WASF3: variants seen among roughly 807,000 people sequenced by gnomAD.
WASF3 encodes WASP family member 3.
Under a neutral mutation model 46.6 loss-of-function variants are expected in WASF3, and 11 were observed. The observed-to-expected ratio is 0.24, with a 90% CI of 0.15 to 0.39. WASF3 has a LOEUF of 0.39. Among genes scored for constraint, WASF3 ranks in the 10% least tolerant of loss-of-function variants. The pLI, the probability that WASF3 is intolerant of heterozygous loss-of-function variation, is 1.00. For missense variants in WASF3, 576 were observed against 669.8 expected, an observed-to-expected ratio of 0.86 and a Z score of 1.55; for synonymous variants, 242 against 259.7, an observed-to-expected ratio of 0.93 and a Z score of 0.65.
chr13:26,685,284 C>G (rs1365195427), intron 9 of WASF3, among the ~76,000 whole-genome samples: 1 of 152,062 alleles, frequency 6.6e-6, no homozygotes, highest in Non-Finnish European at 1.5e-5. Context: ...CTGTTGCTGC[C>G]TAGTAGATGT....
chr13:26,606,788 C>G (rs1880813168), intron 1 of WASF3: 1 of 152,154 alleles, frequency 6.6e-6, no homozygotes, highest in Non-Finnish European at 1.5e-5. Flanking sequence ...TTGTTTACTG[C>G]AGCTGGAACC....
intron 1 of WASF3, among the ~76,000 whole-genome samples, chr13:26,561,102 A>G (rs1053544709): frequency 6.6e-6 from 1 of 152,132 alleles, no homozygotes; most frequent in Non-Finnish European, 1.5e-5. Flanking sequence ...GGAAGTGGCA[A>G]GAAGTGAGGG....
intron 3 of WASF3, among the ~76,000 whole-genome samples, chr13:26,655,050 C>T (rs1882427263): frequency 6.6e-6 from 1 of 152,148 alleles, no homozygotes; most frequent in Non-Finnish European, 1.5e-5. Flanking sequence ...TTTCCATAAA[C>T]TTTCACCCAG....
chr13:26,622,628 A>G (rs1425131052), intron 2 of WASF3: 9 of 152,212 alleles, frequency 5.9e-5, no homozygotes, highest in Admixed American at 3.9e-4. Flanking sequence ...CAGTTTACTT[A>G]GCTGGACGTG....
At chr13:26,563,654 CAAAAAAAAA>C (rs34374716) in intron 1 of WASF3, among the ~76,000 whole-genome samples, 1 of 47,030 alleles carries the variant, frequency 2.1e-5, no homozygotes, top group East Asian at 7.3e-4. Context: ...GACTCCATCT[CAAAAAAAAA>C]AAAAAAAAAA....
intron 1 of WASF3, among the ~76,000 whole-genome samples, chr13:26,575,125 C>T (rs1470878994): frequency 1.3e-5 from 2 of 152,096 alleles, no homozygotes; most frequent in Non-Finnish European, 2.9e-5. Context: ...CGTGAGCCAC[C>T]GTGCTTGGCC....
chr13:26,665,301 G>A, intron 4 of WASF3, 139 bp downstream of exon 4: 3 of 1,031,090 alleles, frequency 2.9e-6, no homozygotes, highest in Non-Finnish European at 2.8e-6. Context: ...ATAGCGAGGG[G>A]GAAAAACCTA....
intron 8 of WASF3, among the ~76,000 whole-genome samples, chr13:26,681,664 T>C (rs1223629011): frequency 6.6e-6 from 1 of 152,098 alleles, no homozygotes; most frequent in Non-Finnish European, 1.5e-5. Flanking sequence ...ACATCCTGAG[T>C]GGACCACAGA....
intron 2 of WASF3, among the ~76,000 whole-genome samples, chr13:26,622,446 T>C (rs527914037): frequency 2.8e-4 from 42 of 152,354 alleles, no homozygotes; most frequent in Admixed American, 3.3e-4. Context: ...TGACCACAGT[T>C]GTGGGCTTCA....
the WASF3 span, among the ~76,000 whole-genome samples, chr13:26,544,804 G>C: frequency 6.6e-6 from 1 of 152,228 alleles, no homozygotes; most frequent in Non-Finnish European, 1.5e-5. Context: ...TCAAGGTGAA[G>C]ACCACACTGT....
intron 3 of WASF3, among the ~76,000 whole-genome samples, chr13:26,656,466 T>A (rs9507757): frequency 0.29 from 43,854 of 152,038 alleles, 6,594 homozygotes; most frequent in South Asian, 0.39. Context: ...TAAAAATAAT[T>A]CATTATTCAA....
chr13:26,560,573 T>C (rs1307453502), intron 1 of WASF3, among the ~76,000 whole-genome samples: 1 of 152,070 alleles, frequency 6.6e-6, no homozygotes, highest in African/African-American at 2.4e-5. Context: ...GTTGCAAAAA[T>C]AAGAGACAGA....
At chr13:26,572,925 G>T (rs117291983) in intron 1 of WASF3, among the ~76,000 whole-genome samples, 2,991 of 152,280 alleles carry the variant, frequency 0.02, 65 homozygotes, top group South Asian at 0.089. Flanking sequence ...ATATTCATAT[G>T]TGATATTGGT....
intron 1 of WASF3, among the ~76,000 whole-genome samples, chr13:26,586,740 A>G (rs976634586): frequency 2.3e-4 from 35 of 152,154 alleles, no homozygotes; most frequent in African/African-American, 7.5e-4. Flanking sequence ...TGGGTTTTAG[A>G]CCTTATTCTG....
At chr13:26,589,954 T>C (rs1206318105) in intron 1 of WASF3, among the ~76,000 whole-genome samples, 1 of 152,200 alleles carries the variant, frequency 6.6e-6, no homozygotes, top group Non-Finnish European at 1.5e-5. Context: ...CCTCATGAGC[T>C]CAGTGTACAG....
intron 4 of WASF3, among the ~76,000 whole-genome samples, chr13:26,667,172 G>A (rs1236285112): frequency 6.6e-6 from 1 of 152,018 alleles, no homozygotes; most frequent in East Asian, 1.9e-4. Flanking sequence ...TTTTCCTTAG[G>A]ATATTCAAAT....
intron 3 of WASF3, among the ~76,000 whole-genome samples, chr13:26,642,714 A>G (rs897129233): frequency 3.3e-5 from 5 of 152,212 alleles, no homozygotes; most frequent in African/African-American, 1.2e-4. Context: ...TTAAACTATC[A>G]ATTATTATGA....
chr13:26,605,607 T>G lies in WASF3; in HGVS notation c.-108-7354T>G, dbSNP rs193210862. On this transcript the variant is annotated intron_variant, in intron 1 of 9. Coordinates refer to ENST00000335327, the MANE Select transcript of WASF3 (RefSeq NM_006646.6). ...TGCTGGAATTAAAAAGAAAAAGATT[T>G]GTCACAGTGAAGAATGGAATTAGGG... is the stretch of plus-strand genomic sequence containing the variant. Among the ~76,000 whole-genome samples the G allele has an allele frequency of 5.4e-4, 83 of 152,342 alleles. 4 individuals carry two copies. Among genetic ancestry groups the G allele is most frequent in the Admixed American group, 5.4e-3 (83 of 15,308 alleles).
At chr13:26,683,151 A>T (rs1253841852) in intron 9 of WASF3, among the ~76,000 whole-genome samples, 177 bp downstream of exon 9, 1 of 152,080 alleles carries the variant, frequency 6.6e-6, no homozygotes, top group African/African-American at 2.4e-5. Flanking sequence ...GTTTTTGTCC[A>T]GTGTAAGGTA....
Sources: allele counts gnomAD v4.1 joint callset (sites outside exome capture counted in the v4.1 genomes callset), GRCh38; gene constraint gnomAD v4.1.1; transcripts MANE v1.5; gene names NCBI Gene and HGNC (gene_info 2026-07-23, HGNC 2026-07-21).